NOS1AP: variants seen among roughly 807,000 people sequenced by gnomAD.
NOS1AP encodes the protein nitric oxide synthase 1 adaptor protein.
Under a neutral mutation model 56.2 loss-of-function variants are expected in NOS1AP, and 21 were observed. The observed-to-expected ratio is 0.37, with a 90% CI of 0.26 to 0.54. The LOEUF (loss-of-function observed/expected upper bound fraction) is 0.54. Ranked by LOEUF, NOS1AP falls within the 20% of genes least tolerant of loss-of-function variation. The pLI, the probability that NOS1AP is intolerant of heterozygous loss-of-function variation, is 0.84. For missense variants in NOS1AP, 522 were observed against 657.8 expected (o/e 0.79, Z 2.26); for synonymous variants, 270 against 274.6 (o/e 0.98, Z 0.17).
At chr1:162,266,834 A>T (rs1654438137) in intron 2 of NOS1AP, among the ~76,000 whole-genome samples, 1 of 152,184 alleles carries the variant, frequency 6.6e-6, no homozygotes. Flanking sequence ...TCCCAAGGGG[A>T]TACCTTTTTC....
chr1:162,324,191 G>A (rs1656507639), intron 4 of NOS1AP, among the ~76,000 whole-genome samples: 1 of 152,140 alleles, frequency 6.6e-6, no homozygotes, highest in Non-Finnish European at 1.5e-5. Context: ...AAAAGTGTGG[G>A]ATGGATGGTT....
At chr1:162,269,687 G>A (rs1172592708) in intron 2 of NOS1AP, among the ~76,000 whole-genome samples, 1 of 152,232 alleles carries the variant, frequency 6.6e-6, no homozygotes, top group African/African-American at 2.4e-5. Flanking sequence ...TTTGATTTGG[G>A]CTCAGAATGT....
intron 4 of NOS1AP, among the ~76,000 whole-genome samples, chr1:162,304,810 G>GTA (rs1423123748): frequency 6.6e-6 from 1 of 151,092 alleles, no homozygotes; most frequent in East Asian, 1.9e-4. Flanking sequence ...GTGTGTGTGT[G>GTA]TATGAGGACT....
At chr1:162,359,373 A>G (rs1306996575) in intron 8 of NOS1AP, among the ~76,000 whole-genome samples, 1 of 152,034 alleles carries the variant, frequency 6.6e-6, no homozygotes, top group Admixed American at 6.6e-5. Flanking sequence ...ATACTCCTGT[A>G]CCTCTGTCTG....
At chr1:162,309,944 A>G (rs542952235) in intron 4 of NOS1AP, among the ~76,000 whole-genome samples, 112 of 152,180 alleles carry the variant, frequency 7.4e-4, no homozygotes, top group Non-Finnish European at 1.5e-3. Context: ...TAATTATGAG[A>G]TAAGGGAAAT....
chr1:162,266,074 A>G (rs1654412046), intron 2 of NOS1AP, among the ~76,000 whole-genome samples: 3 of 152,190 alleles, frequency 2.0e-5, no homozygotes, highest in Admixed American at 6.5e-5. Context: ...GCCACAGGTC[A>G]TTTCTATTTT....
At chr1:162,255,965 G>A (rs1485117416) in intron 2 of NOS1AP, among the ~76,000 whole-genome samples, 1 of 152,146 alleles carries the variant, frequency 6.6e-6, no homozygotes, top group East Asian at 1.9e-4. Context: ...CTAACATGGT[G>A]AAACCCCATC....
rs773730163 is a variant in NOS1AP at position 162,170,798 on chromosome 1, G to A, written c.177+16322G>A. Among the ~76,000 whole-genome samples, 72 of 152,040 alleles carry A rather than the reference G, an allele frequency of 4.7e-4. 1 individual carries two copies. Among genetic ancestry groups the A allele is most frequent in the Non-Finnish European group, 7.2e-4 (49 of 68,010 alleles). ...AAAACTAAAAATACAAAAATTAGCC[G>A]GATATGGTGGTGTGCACCTGTAGTC... On this transcript the variant is annotated intron_variant, in intron 2 of 9. Coordinates refer to ENST00000361897, the MANE Select transcript of NOS1AP (RefSeq NM_014697.3).
intron 2 of NOS1AP, among the ~76,000 whole-genome samples, chr1:162,167,977 A>C (rs1410939754): frequency 6.8e-6 from 1 of 146,228 alleles, no homozygotes; most frequent in Non-Finnish European, 1.5e-5. Flanking sequence ...CATGAGACAC[A>C]TCAGAATTTA....
chr1:162,127,452 T>C (rs1648539660), intron 1 of NOS1AP, among the ~76,000 whole-genome samples: 1 of 152,022 alleles, frequency 6.6e-6, no homozygotes, highest in African/African-American at 2.4e-5. Flanking sequence ...CACTAAATAC[T>C]TAAGATAAAC....
At chr1:162,357,223 A>G in intron 8 of NOS1AP, 87 bp downstream of exon 8, 3 of 1,546,112 alleles carry the variant, frequency 1.9e-6, no homozygotes, top group Non-Finnish European at 2.6e-6. Context: ...GGGCAGGTTT[A>G]AAATCTAGGG....
chr1:162,333,815 A>G (rs74125852), intron 5 of NOS1AP, among the ~76,000 whole-genome samples: 1,894 of 152,302 alleles, frequency 0.012, 51 homozygotes, highest in African/African-American at 0.042. Flanking sequence ...TCATGTTAAA[A>G]CTACCTGATT....
chr1:162,190,043 G>A (rs186318280), intron 2 of NOS1AP, among the ~76,000 whole-genome samples: 2 of 152,316 alleles, frequency 1.3e-5, no homozygotes, highest in Non-Finnish European at 1.5e-5. Context: ...CTAGGGCATG[G>A]CTAGTGAGTT....
intron 2 of NOS1AP, among the ~76,000 whole-genome samples, chr1:162,200,045 C>T (rs1651942150): frequency 6.6e-6 from 1 of 152,130 alleles, no homozygotes. Context: ...TCTCAGGAAA[C>T]CCATTTCACT....
At chr1:162,331,025 G>A (rs557963422) in intron 4 of NOS1AP, among the ~76,000 whole-genome samples, 4 of 152,126 alleles carry the variant, frequency 2.6e-5, no homozygotes, top group African/African-American at 4.8e-5. Flanking sequence ...TCACTCGGGG[G>A]TATGAGGAAT....
intron 1 of NOS1AP, among the ~76,000 whole-genome samples, chr1:162,119,928 T>C (rs890054401): frequency 2.6e-5 from 4 of 152,144 alleles, no homozygotes; most frequent in Non-Finnish European, 5.9e-5. Flanking sequence ...GCAGCAGAGA[T>C]GGTAACAGTT....
At chr1:162,298,019 T>C (rs571590149) in intron 3 of NOS1AP, among the ~76,000 whole-genome samples, 1 of 152,286 alleles carries the variant, frequency 6.6e-6, no homozygotes, top group Admixed American at 6.5e-5. Flanking sequence ...AAGCCTGCTC[T>C]CTCCAGCCAA....
At chr1:162,195,056 G>A (rs778270170) in intron 2 of NOS1AP, among the ~76,000 whole-genome samples, 2 of 152,130 alleles carry the variant, frequency 1.3e-5, no homozygotes, top group Non-Finnish European at 2.9e-5. Flanking sequence ...TGGACTCACG[G>A]AAGCCGCTTA....
intron 1 of NOS1AP, among the ~76,000 whole-genome samples, chr1:162,087,478 G>A (rs1692028612): frequency 6.6e-6 from 1 of 152,174 alleles, no homozygotes; most frequent in African/African-American, 2.4e-5. Flanking sequence ...GCCTGGGAGA[G>A]TTCAGGACAA....
Sources: allele counts gnomAD v4.1 joint callset (sites outside exome capture counted in the v4.1 genomes callset), GRCh38; gene constraint gnomAD v4.1.1; transcripts MANE v1.5; gene names NCBI Gene and HGNC (gene_info 2026-07-23, HGNC 2026-07-21).